The following LRFN2 variants were observed in gnomAD, a reference collection of about 807,000 sequenced individuals.
The protein encoded by LRFN2 is leucine rich repeat and fibronectin type III domain containing 2.
In LRFN2, 18 loss-of-function variants were observed where a neutral mutation model predicts 37.3. The ratio of observed to expected loss-of-function variants is 0.48; its 90% CI spans 0.33 to 0.72. LRFN2 has a LOEUF of 0.72. Ranked by LOEUF, LRFN2 falls within the 30% of genes least tolerant of loss-of-function variation. The pLI is 0.02. For synonymous variants in LRFN2, 556 were observed against 466.6 expected (o/e 1.19, Z -2.47); for missense variants, 1,006 against 1,060.7 (o/e 0.95, Z 0.72).
chr6:40,418,335 T>C (rs1763142065), intron 2 of LRFN2, among the ~76,000 whole-genome samples: 1 of 152,204 alleles, frequency 6.6e-6, no homozygotes, highest in South Asian at 2.1e-4. Flanking sequence ...TCGGTCTCGT[T>C]ACACTGCTTA....
chr6:40,493,951 T>C (rs1225852011), intron 1 of LRFN2, among the ~76,000 whole-genome samples: 1 of 152,246 alleles, frequency 6.6e-6, no homozygotes, highest in Non-Finnish European at 1.5e-5. Flanking sequence ...GAGCCTCACC[T>C]GCTGTTCTGA....
intron 2 of LRFN2, among the ~76,000 whole-genome samples, chr6:40,420,774 CCTGT>C (rs1343364012): frequency 6.6e-6 from 1 of 152,322 alleles, no homozygotes; most frequent in East Asian, 1.9e-4. Flanking sequence ...GTGGTTGGTG[CCTGT>C]CTTAGTTTGG....
At chr6:40,472,801 C>T (rs1353768730) in intron 1 of LRFN2, among the ~76,000 whole-genome samples, 1 of 152,174 alleles carries the variant, frequency 6.6e-6, no homozygotes, top group Non-Finnish European at 1.5e-5. Flanking sequence ...GGCAGGCTGA[C>T]ATGTAGGCAC....
At chr6:40,421,575 C>T (rs537006331) in intron 2 of LRFN2, among the ~76,000 whole-genome samples, 1 of 152,190 alleles carries the variant, frequency 6.6e-6, no homozygotes, top group Non-Finnish European at 1.5e-5. Context: ...TTTTATCATG[C>T]AGATGAAGCC....
intron 1 of LRFN2, among the ~76,000 whole-genome samples, chr6:40,558,624 A>T (rs1766934634): frequency 6.6e-6 from 1 of 152,168 alleles, no homozygotes; most frequent in South Asian, 2.1e-4. Flanking sequence ...TTTGGGGCCC[A>T]GTGGGGGAAG....
In LRFN2 at chr6:40,420,055, C is replaced by T. The variant is rs199607497; in HGVS notation, c.1400+11659G>A. Reference sequence around the variant, plus strand: ...CTTTACAATGCAATCGGAGTTCATTCGCATATCTGGATCAGCACTCTTAAC... The same window carrying T: ...CTTTACAATGCAATCGGAGTTCATTTGCATATCTGGATCAGCACTCTTAAC... On this transcript the variant is annotated intron_variant, in intron 2 of 2. Transcript: ENST00000338305. 5.3e-5 allele frequency among the ~76,000 whole-genome samples: 8 copies of T among 152,318 alleles called. No homozygotes were observed. In the East Asian group the frequency reaches 1.2e-3, roughly 22 times the overall value.
intron 1 of LRFN2, among the ~76,000 whole-genome samples, chr6:40,452,001 C>T (rs544205486): frequency 6.6e-6 from 1 of 152,266 alleles, no homozygotes; most frequent in South Asian, 2.1e-4. Flanking sequence ...GGTATCTCTC[C>T]CAACTAAGAT....
At chr6:40,435,086 G>T (rs1394462182) in intron 1 of LRFN2, among the ~76,000 whole-genome samples, 1 of 131,740 alleles carries the variant, frequency 7.6e-6, no homozygotes, top group Non-Finnish European at 1.6e-5. Context: ...GAGAGAGAGA[G>T]AGAGACAGAG....
chr6:40,440,067 T>A (rs940046265), intron 1 of LRFN2, among the ~76,000 whole-genome samples: 3 of 151,892 alleles, frequency 2.0e-5, no homozygotes, highest in African/African-American at 7.3e-5. Flanking sequence ...AGCCACATCC[T>A]GAATCTCCAA....
At chr6:40,543,959 T>C (rs1417422612) in intron 1 of LRFN2, among the ~76,000 whole-genome samples, 2 of 152,196 alleles carry the variant, frequency 1.3e-5, no homozygotes, top group East Asian at 3.9e-4. Context: ...GTCCTAGTCA[T>C]ATCTTGGGGA....
chr6:40,568,389 G>A (rs2494938), intron 1 of LRFN2, among the ~76,000 whole-genome samples: 77,219 of 151,966 alleles, frequency 0.51, 19,967 homozygotes, highest in Middle Eastern at 0.61. Flanking sequence ...TGAGACAGCA[G>A]CTTCTCTGCA....
chr6:40,441,335 G>A (rs963033783), intron 1 of LRFN2, among the ~76,000 whole-genome samples: 12 of 152,206 alleles, frequency 7.9e-5, no homozygotes, highest in African/African-American at 2.9e-4. Flanking sequence ...GTGTGTGTGT[G>A]AGGAAGATCT....
chr6:40,560,119 G>A (rs2113929060), intron 1 of LRFN2, among the ~76,000 whole-genome samples: 1 of 152,306 alleles, frequency 6.6e-6, no homozygotes, highest in South Asian at 2.1e-4. Context: ...TCATTTCTAT[G>A]GCCTTAATGT....
intron 2 of LRFN2, among the ~76,000 whole-genome samples, chr6:40,393,738 A>G (rs1762561141): frequency 6.6e-6 from 1 of 152,116 alleles, no homozygotes; most frequent in Admixed American, 6.5e-5. Flanking sequence ...TCTGAGATTC[A>G]TGGCGATCCC....
At chr6:40,444,259 G>A (rs550584387) in intron 1 of LRFN2, among the ~76,000 whole-genome samples, 21 of 152,138 alleles carry the variant, frequency 1.4e-4, no homozygotes, top group Non-Finnish European at 2.2e-4. Flanking sequence ...ATAGGAAAAC[G>A]AAGAAGGGAA....
chr6:40,543,145 C>T (rs557236690), intron 1 of LRFN2, among the ~76,000 whole-genome samples: 77 of 152,316 alleles, frequency 5.1e-4, no homozygotes, highest in African/African-American at 1.8e-3. Context: ...TCAGGCACAT[C>T]GCAAAGACCA....
chr6:40,514,264 AT>A (rs1469047709), intron 1 of LRFN2, among the ~76,000 whole-genome samples: 1 of 152,082 alleles, frequency 6.6e-6, no homozygotes, highest in Non-Finnish European at 1.5e-5. Context: ...ACACACATGT[AT>A]TTTATACATA....
intron 1 of LRFN2, among the ~76,000 whole-genome samples, chr6:40,448,181 G>A (rs1406092723): frequency 3.3e-5 from 5 of 152,064 alleles, no homozygotes; most frequent in African/African-American, 7.2e-5. Context: ...TGGGATTTGC[G>A]GGCTTGCTGA....
chr6:40,541,423 G>T (rs1177182383), intron 1 of LRFN2, among the ~76,000 whole-genome samples: 1 of 152,170 alleles, frequency 6.6e-6, no homozygotes, highest in African/African-American at 2.4e-5. Flanking sequence ...GTGTTCCCTG[G>T]GCCACAGCTG....
Sources: allele counts gnomAD v4.1 joint callset (sites outside exome capture counted in the v4.1 genomes callset), GRCh38; gene constraint gnomAD v4.1.1; transcripts MANE v1.5; gene names NCBI Gene and HGNC (gene_info 2026-07-23, HGNC 2026-07-21).